The following DCAF8L2 variants were observed in gnomAD, a reference collection of about 807,000 sequenced individuals.
DCAF8L2 encodes the protein DDB1- and CUL4-associated factor 8-like protein 2.
For synonymous variants in DCAF8L2, 200 were observed against 190.9 expected (o/e 1.05, Z -0.39); for missense variants, 430 against 490.7 (o/e 0.88, Z 1.17).
At chrX:27,584,840 G>A in the DCAF8L2 span, among the ~76,000 whole-genome samples, 1 of 111,446 alleles carries the variant, frequency 9.0e-6, no homozygotes, top group African/African-American at 3.3e-5. Flanking sequence ...GAATGATTTT[G>A]CCCCTCAAGG....
At chrX:27,580,981 C>A in the DCAF8L2 span, among the ~76,000 whole-genome samples, 1 of 111,222 alleles carries the variant, frequency 9.0e-6, no homozygotes, top group South Asian at 3.8e-4. Context: ...CACAATATAT[C>A]CAGAATATTA....
the DCAF8L2 span, among the ~76,000 whole-genome samples, chrX:27,538,114 C>T: frequency 0.096 from 10,629 of 111,258 alleles, 406 homozygotes; most frequent in Non-Finnish European, 0.12. Flanking sequence ...AACCCTTAAA[C>T]ATCACCCTGG....
chrX:27,578,036 T>G, the DCAF8L2 span, among the ~76,000 whole-genome samples: 1 of 111,246 alleles, frequency 9.0e-6, no homozygotes, highest in African/African-American at 3.3e-5. Flanking sequence ...CTTTAGAGAA[T>G]TACAAAAAAC....
chrX:27,493,526 C>T, the DCAF8L2 span, among the ~76,000 whole-genome samples: 14 of 108,865 alleles, frequency 1.3e-4, no homozygotes, highest in Admixed American at 9.9e-4. Flanking sequence ...GCCTGGCCAA[C>T]GTGACGAAAC....
At chrX:27,722,930 T>G (rs948053872) in intron 4 of DCAF8L2, among the ~76,000 whole-genome samples, 2 of 110,854 alleles carry the variant, frequency 1.8e-5, no homozygotes, top group Non-Finnish European at 3.8e-5. Flanking sequence ...AAAAAATAAG[T>G]TATTGGGTTA....
intron 3 of DCAF8L2, among the ~76,000 whole-genome samples, chrX:27,692,271 CTT>C (rs972693751): frequency 2.7e-5 from 3 of 111,391 alleles, no homozygotes; most frequent in African/African-American, 9.8e-5. Flanking sequence ...TAAATATTAA[CTT>C]AATGTGAATG....
the DCAF8L2 span, chrX:27,518,797 G>A: frequency 2.2e-6 from 1 of 445,399 alleles, no homozygotes; most frequent in Non-Finnish European, 4.0e-6. Flanking sequence ...AAAGGGAACT[G>A]AATTGTGGCT....
chrX:27,507,704 AAATT>A, the DCAF8L2 span, among the ~76,000 whole-genome samples: 1 of 111,639 alleles, frequency 9.0e-6, no homozygotes, highest in South Asian at 3.7e-4. Flanking sequence ...GTTGTTTTGA[AAATT>A]AATTATGATT....
chrX:27,492,381 A>G, the DCAF8L2 span, among the ~76,000 whole-genome samples: 1 of 110,820 alleles, frequency 9.0e-6, no homozygotes, highest in Non-Finnish European at 1.9e-5. Context: ...ATCACCTACT[A>G]TGTTTGGGTC....
chrX:27,506,974 A>AT, the DCAF8L2 span, among the ~76,000 whole-genome samples: 21,510 of 109,504 alleles, frequency 0.2, 1,873 homozygotes, highest in East Asian at 0.36. Flanking sequence ...GACAAATAGC[A>AT]TTTTTTTTCC....
chrX:27,576,299 A>G, the DCAF8L2 span, among the ~76,000 whole-genome samples: 1 of 112,288 alleles, frequency 8.9e-6, no homozygotes, highest in African/African-American at 3.2e-5. Flanking sequence ...AGGGTTAAAG[A>G]CACAGTTCAA....
chrX:27,542,578 T>C, the DCAF8L2 span, among the ~76,000 whole-genome samples: 1 of 88,612 alleles, frequency 1.1e-5, no homozygotes, highest in African/African-American at 4.2e-5. Flanking sequence ...AGTCTCGCTC[T>C]GTCGCCCAGG....
Position 27,620,740 on chromosome X carries a change from TA to T in DCAF8L2, c.-341-11137del, listed in dbSNP as rs760502799. Among the ~76,000 whole-genome samples, 65 of 112,004 alleles carry T rather than the reference TA, an allele frequency of 5.8e-4. 2 individuals are homozygous for T. The highest frequency in any genetic ancestry group is 1.1e-3 in the Non-Finnish European group (57 of 53,156). On this transcript the variant is annotated intron_variant, in intron 1 of 4. Transcript: ENST00000451261. Reference sequence around the variant, plus strand: ...TTTTTGGTGATAATGTAAAATGGTATAATTGCTGTGGAAAACTGGTGTTCCT... The same window carrying T: ...TTTTTGGTGATAATGTAAAATGGTATATTGCTGTGGAAAACTGGTGTTCCT...
At position 27,733,995 on chromosome X, in the gene DCAF8L2, T is replaced by TA. The variant is rs199958457; in HGVS notation, c.-58-12835dup. Among the ~76,000 whole-genome samples, 901 of 110,911 alleles carry TA rather than the reference T, an allele frequency of 8.1e-3. 11 individuals carry two copies. Among genetic ancestry groups the TA allele is most frequent in the African/African-American group, 0.026 (795 of 30,480 alleles). On this transcript the variant is annotated intron_variant, in intron 4 of 4. Transcript: ENST00000451261. ...GACAAAGTTAAGCATCTTTTTTTGA[T>TA]AAAAAAAATCCCAACAAAATAGGTA...
At position 27,627,910 on chromosome X, in the gene DCAF8L2, G is replaced by A. The variant is rs1394550398; in HGVS notation, c.-341-3969G>A. On this transcript the variant is annotated intron_variant, in intron 1 of 4. Coordinates refer to ENST00000451261, the MANE Select transcript of DCAF8L2 (RefSeq NM_001353450.2). ...TCCATCTAAAACTAGTCTGGTGACA[G>A]AGCAAGACTCCATCTAAAAAAAAAA... 5.8e-5 allele frequency among the ~76,000 whole-genome samples: 5 copies of A among 86,862 alleles called. No individual in the cohort carries two copies. The Admixed American group carries it at 6.4e-4, about 11-fold the overall frequency. The allele number at this position is 86,862 out of a possible 115,157, so 75.4% of individuals were successfully genotyped here.
At chrX:27,579,971 TG>T in the DCAF8L2 span, among the ~76,000 whole-genome samples, 160 of 109,896 alleles carry the variant, frequency 1.5e-3, no homozygotes, top group African/African-American at 4.6e-3. Flanking sequence ...TAAATGGGTT[TG>T]TAAGTATCAT....
At chrX:27,683,302 A>G (rs762868380) in intron 3 of DCAF8L2, among the ~76,000 whole-genome samples, 4 of 112,040 alleles carry the variant, frequency 3.6e-5, no homozygotes, top group Non-Finnish European at 5.6e-5. Flanking sequence ...TTATTCATTC[A>G]AGTGGCATGA....
chrX:27,723,513 A>G (rs1329640974), intron 4 of DCAF8L2, among the ~76,000 whole-genome samples: 1 of 111,597 alleles, frequency 9.0e-6, no homozygotes, highest in Non-Finnish European at 1.9e-5. Context: ...AAAAATGCAA[A>G]CACACTCTAT....
the DCAF8L2 span, among the ~76,000 whole-genome samples, chrX:27,547,849 CTCTCTCTCTCTCTCTCTCTCTT>C: frequency 3.0e-5 from 2 of 66,051 alleles, no homozygotes; most frequent in African/African-American, 1.2e-4. Flanking sequence ...CTCTCTTTCT[CTCTCTCTCTCTCTCTCTCTCTT>C]TCTCTCTCTC....
Sources: gnomAD v4.1 joint callset for allele counts (sites outside exome capture counted in the v4.1 genomes callset) on GRCh38, gnomAD v4.1.1 for gene constraint, MANE v1.5 for transcripts, NCBI Gene and HGNC (gene_info 2026-07-23, HGNC 2026-07-21) for gene names.